The following SDCCAG8 variants were observed in gnomAD, a reference collection of about 807,000 sequenced individuals.
SDCCAG8 encodes SHH signaling and ciliogenesis regulator SDCCAG8, also known as serologically defined colon cancer antigen 8.
A neutral mutation model predicts 101.8 loss-of-function variants in SDCCAG8; 74 were observed. The ratio of observed to expected loss-of-function variants is 0.73; its 90% CI spans 0.60 to 0.88. The LOEUF (loss-of-function observed/expected upper bound fraction) is 0.88, where lower values mean the gene tolerates loss of function less well. Among genes scored for constraint, SDCCAG8 ranks in the 40% least tolerant of loss-of-function variants. The pLI, the probability that SDCCAG8 is intolerant of heterozygous loss-of-function variation, is 0.00. For missense variants in SDCCAG8, 787 were observed against 822.6 expected, an observed-to-expected ratio of 0.96 and a Z score of 0.53; for synonymous variants, 281 against 292.9, an observed-to-expected ratio of 0.96 and a Z score of 0.41.
intron 16 of SDCCAG8, among the ~76,000 whole-genome samples, chr1:243,475,580 C>T (rs556662348): frequency 4.6e-5 from 7 of 152,174 alleles, no homozygotes; most frequent in African/African-American, 1.2e-4. Flanking sequence ...CTCAGAGATC[C>T]TCTGGGGCCT....
intron 16 of SDCCAG8, among the ~76,000 whole-genome samples, chr1:243,467,513 G>T (rs1014013461): frequency 6.6e-6 from 1 of 152,210 alleles, no homozygotes; most frequent in Non-Finnish European, 1.5e-5. Context: ...GGAGAGAGTT[G>T]TCTGGTTAAG....
In SDCCAG8 at chr1:243,416,879, T is replaced by G. The variant is rs541721222; in HGVS notation, c.1744+1050T>G. On this transcript the variant is annotated intron_variant, in intron 14 of 17. Coordinates refer to ENST00000366541, the MANE Select transcript of SDCCAG8 (RefSeq NM_006642.5). The surrounding 1 kb of genome is among the most constrained non-coding windows in gnomAD (Gnocchi z 4.3). ...TTTAGTGCCTTGATTTATTTTGATT[T>G]GTATGCTATATGCTTTTTGCCAATC... Among the ~76,000 whole-genome samples, 85 of 152,330 alleles carry G rather than the reference T, an allele frequency of 5.6e-4. No homozygotes were observed. The highest frequency in any genetic ancestry group is 2.0e-3 in the African/African-American group (82 of 41,582).
At position 243,452,407 on chromosome 1, in the gene SDCCAG8, CTCA is replaced by C. The variant is rs1473723702; in HGVS notation, c.1985+25852_1985+25854del. ...GACTTCTCCCTACCCTTGAGATGATCTCATCTCTTTTTTTTTTTTTTTTTTTTT... is the reference window on the plus strand; with the variant it reads ...GACTTCTCCCTACCCTTGAGATGATCTCTCTTTTTTTTTTTTTTTTTTTTT... On this transcript the variant is annotated intron_variant, in intron 16 of 17. Coordinates refer to ENST00000366541, the MANE Select transcript of SDCCAG8 (RefSeq NM_006642.5). 5.1e-3 allele frequency among the ~76,000 whole-genome samples: 530 copies of C among 103,686 alleles called. 13 individuals carry two copies. The highest frequency in any genetic ancestry group is 0.013 in the African/African-American group (311 of 23,048). The allele number at this position is 103,686 out of a possible 152,430, so 68.0% of individuals were successfully genotyped here.
intron 1 of SDCCAG8, chr1:243,267,703 G>C (rs1005614580): frequency 2.5e-6 from 2 of 792,050 alleles, no homozygotes; most frequent in South Asian, 1.3e-5. Context: ...CATGTGCATA[G>C]GTTCCTGTGT....
chr1:243,351,807 A>C (rs891993231), intron 12 of SDCCAG8, among the ~76,000 whole-genome samples: 17 of 152,356 alleles, frequency 1.1e-4, no homozygotes, highest in African/African-American at 3.4e-4. Flanking sequence ...TATTTTTCTA[A>C]AATGCTGTGC....
chr1:243,263,090 C>G (rs2067312567), intron 1 of SDCCAG8, among the ~76,000 whole-genome samples: 1 of 152,198 alleles, frequency 6.6e-6, no homozygotes, highest in Non-Finnish European at 1.5e-5. Flanking sequence ...CACTGTCACG[C>G]TCATTTTCCA....
intron 1 of SDCCAG8, among the ~76,000 whole-genome samples, chr1:243,263,128 A>G (rs1303754825): frequency 6.6e-6 from 1 of 152,188 alleles, no homozygotes; most frequent in African/African-American, 2.4e-5. Flanking sequence ...TTACAATGTA[A>G]TGTGGTCAGA....
At chr1:243,281,432 A>G (rs1252384071) in intron 4 of SDCCAG8, among the ~76,000 whole-genome samples, 1 of 149,418 alleles carries the variant, frequency 6.7e-6, no homozygotes, top group South Asian at 2.1e-4. Context: ...CACCTTGCCC[A>G]GTTATTATAG....
intron 12 of SDCCAG8, among the ~76,000 whole-genome samples, chr1:243,351,500 T>G (rs2076080661): frequency 1.3e-5 from 2 of 152,236 alleles, no homozygotes; most frequent in Admixed American, 1.3e-4. Flanking sequence ...TCATGCTGGC[T>G]ACAGCCCATG....
At chr1:243,467,502 C>T (rs1047611011) in intron 16 of SDCCAG8, among the ~76,000 whole-genome samples, 2 of 152,204 alleles carry the variant, frequency 1.3e-5, no homozygotes, top group Admixed American at 6.5e-5. Context: ...TGGCTTTATT[C>T]GGAGAGAGTT....
rs75179745 is a variant in SDCCAG8 at position 243,347,467 on chromosome 1, T to C, written c.1473+3136T>C. On this transcript the variant is annotated intron_variant, in intron 12 of 17. Transcript: ENST00000366541. ...AATTTTCTGGTGTTACCCTTTTTAA[T>C]AGGAAATAAACAGAACTCTTAGTAA... is the stretch of plus-strand genomic sequence containing the variant. 3.7e-3 allele frequency among the ~76,000 whole-genome samples: 567 copies of C among 152,336 alleles called. 29 individuals are homozygous for C. The East Asian group carries it at 0.092, about 25-fold the overall frequency.
intron 8 of SDCCAG8, among the ~76,000 whole-genome samples, chr1:243,313,848 A>G (rs1462914290): frequency 6.6e-6 from 1 of 152,164 alleles, no homozygotes; most frequent in Non-Finnish European, 1.5e-5. Flanking sequence ...GGTGGCTGGA[A>G]TCGGCTGTTT....
At chr1:243,305,369 A>G (rs932165999) in intron 7 of SDCCAG8, 2 of 152,062 alleles carry the variant, frequency 1.3e-5, no homozygotes, top group Non-Finnish European at 2.9e-5. Context: ...ATGATATTCA[A>G]GTAAAATAAT....
Position 243,330,594 on chromosome 1 carries a change from C to T in SDCCAG8, c.1123C>T (p.Leu375Phe), listed in dbSNP as rs745634199. The T allele has an allele frequency of 3.7e-6, 6 of 1,613,814 alleles. No homozygotes were observed. Among genetic ancestry groups the T allele is most frequent in the Non-Finnish European group, 5.1e-6 (6 of 1,179,956 alleles). ...GGAGCTGGAGAGGCAGGCGGAGCGA[C>T]TTGAAAAAGAACTTGCATCTCAGCA... is the stretch of plus-strand genomic sequence containing the variant. Reference protein sequence around the residue: ...RKELERQAERLEKELASQQEK... With the variant: ...RKELERQAERFEKELASQQEK... Residue 375 changes from leucine (L) to phenylalanine (F), a missense_variant, in exon 10 of 18, where the codon CTT becomes TTT. Leu to Phe is a conservative substitution (Grantham distance 22, BLOSUM62 0). Coordinates refer to ENST00000366541, the MANE Select transcript of SDCCAG8 (RefSeq NM_006642.5).
chr1:243,344,475 C>A (rs2075581502), intron 12 of SDCCAG8, 144 bp downstream of exon 12: 1 of 713,138 alleles, frequency 1.4e-6, no homozygotes, highest in Non-Finnish European at 2.4e-6. Context: ...AGGAAAATTT[C>A]TTTTATAGTT....
At chr1:243,499,187 C>T (rs894413412) in intron 17 of SDCCAG8, among the ~76,000 whole-genome samples, 2 of 152,184 alleles carry the variant, frequency 1.3e-5, no homozygotes, top group African/African-American at 2.4e-5. Context: ...TTTGTATCTG[C>T]GTAAAACTAA....
At chr1:243,282,299 A>G (rs1275390613) in intron 4 of SDCCAG8, among the ~76,000 whole-genome samples, 2 of 152,004 alleles carry the variant, frequency 1.3e-5, no homozygotes, top group Admixed American at 6.6e-5. Context: ...AAGTAAACCT[A>G]TGCCACTTCT....
Position 243,274,631 on chromosome 1 carries a change from T to C in SDCCAG8, c.395T>C (p.Leu132Ser), listed in dbSNP as rs1166274752. 2.5e-6 allele frequency: 4 copies of C among 1,604,694 alleles called. No individual in the cohort carries two copies. The South Asian group carries it at 4.4e-5, about 18-fold the overall frequency. ...GACCAGTCTCAATATATTCATCATT[T>C]AGAGGCAGAAGTTAAGTTCTGCAAG... Reference protein sequence around the residue: ...INDQSQYIHHLEAEVKFCKEE... With the variant: ...INDQSQYIHHSEAEVKFCKEE... The change falls in exon 4 of 18, where the codon TTA becomes TCA. Residue 132 changes from leucine to serine, a missense_variant. By Grantham distance (145) the Leu-to-Ser change is moderately radical. Coordinates refer to ENST00000366541, the MANE Select transcript of SDCCAG8 (RefSeq NM_006642.5).
chr1:243,331,582 A>G (rs1005282611), intron 10 of SDCCAG8, among the ~76,000 whole-genome samples: 4 of 152,196 alleles, frequency 2.6e-5, no homozygotes, highest in Non-Finnish European at 5.9e-5. Context: ...CATTTCCTGT[A>G]AATGTCCTTG....
Sources: gnomAD v4.1 joint callset for allele counts (sites outside exome capture counted in the v4.1 genomes callset) on GRCh38, gnomAD v4.1.1 for gene constraint, Gnocchi (gnomAD v3.1) non-coding constraint, MANE v1.5 for transcripts, NCBI Gene and HGNC (gene_info 2026-07-23, HGNC 2026-07-21) for gene names.